PRKN: variants seen among roughly 807,000 people sequenced by gnomAD.
The protein encoded by PRKN is parkin RBR E3 ubiquitin protein ligase, also known as E3 ubiquitin-protein ligase parkin.
PRKN carries 56 observed loss-of-function variants against 59.5 expected under a neutral mutation model. That is an observed-to-expected ratio of 0.94 (90% CI 0.76 to 1.18). The LOEUF is 1.18. PRKN is among the 50% of genes most tolerant of loss of function. The pLI is 0.00. For missense variants in PRKN, 657 were observed against 596.4 expected, an observed-to-expected ratio of 1.10 and a Z score of -1.06; for synonymous variants, 250 against 222.1, an observed-to-expected ratio of 1.13 and a Z score of -1.12.
chr6:162,405,350 C>T (rs1419730971), intron 2 of PRKN, among the ~76,000 whole-genome samples: 1 of 152,172 alleles, frequency 6.6e-6, no homozygotes, highest in Non-Finnish European at 1.5e-5. Context: ...GCAGGGGTTT[C>T]TCTAAGTCGC....
At chr6:161,596,338 C>T (rs188673379) in intron 7 of PRKN, among the ~76,000 whole-genome samples, 2 of 152,234 alleles carry the variant, frequency 1.3e-5, no homozygotes, top group South Asian at 2.1e-4. Context: ...AAAAGTTATT[C>T]ACCACTAAAA....
intron 6 of PRKN, among the ~76,000 whole-genome samples, chr6:161,915,744 C>G (rs1222653819): frequency 1.3e-5 from 2 of 152,196 alleles, no homozygotes; most frequent in African/African-American, 4.8e-5. Flanking sequence ...ACTTAGCATT[C>G]TCATTTGGAA....
At chr6:161,909,384 G>A (rs989212561) in intron 6 of PRKN, among the ~76,000 whole-genome samples, 1 of 152,072 alleles carries the variant, frequency 6.6e-6, no homozygotes, top group Non-Finnish European at 1.5e-5. Context: ...CTCTCTAGAT[G>A]TATGTGTGCC....
chr6:161,707,436 A>G (rs865879590), intron 7 of PRKN, among the ~76,000 whole-genome samples: 1 of 152,220 alleles, frequency 6.6e-6, no homozygotes, highest in South Asian at 2.1e-4. Flanking sequence ...TCTTTCTCCA[A>G]TAGGAAAGAA....
chr6:161,371,213 G>A lies in PRKN; in HGVS notation c.1168-11008C>T, dbSNP rs968082216. 3.9e-5 allele frequency among the ~76,000 whole-genome samples: 6 copies of A among 151,934 alleles called. No individual in the cohort carries two copies. The East Asian group carries it at 1.2e-3, about 29-fold the overall frequency. On this transcript the variant is annotated intron_variant, in intron 10 of 11. Coordinates refer to ENST00000366898, the MANE Select transcript of PRKN (RefSeq NM_004562.3). This position sits in a 1 kb window ranked among gnomAD's most constrained non-coding sequence, Gnocchi z 5.5. ...TTGTTTCGCTCCTGTTGCCCAGGCTGGAGTGCAATGGTGAAATCTCCGCTC... is the reference window on the plus strand; with the variant it reads ...TTGTTTCGCTCCTGTTGCCCAGGCTAGAGTGCAATGGTGAAATCTCCGCTC...
At chr6:162,269,238 C>T (rs1408758826) in intron 2 of PRKN, among the ~76,000 whole-genome samples, 1 of 152,130 alleles carries the variant, frequency 6.6e-6, no homozygotes, top group Non-Finnish European at 1.5e-5. Flanking sequence ...TGTTACCAGA[C>T]AATACCGTCT....
chr6:162,661,091 G>A (rs370149484), intron 1 of PRKN, among the ~76,000 whole-genome samples: 14 of 152,078 alleles, frequency 9.2e-5, no homozygotes, highest in East Asian at 1.9e-4. Context: ...GAGAAACCCC[G>A]TCTCTACTAA....
chr6:161,393,057 C>T lies in PRKN; in HGVS notation c.1084-6180G>A, dbSNP rs916058615. 6.6e-6 allele frequency among the ~76,000 whole-genome samples: 1 copy of T among 152,102 alleles called. No individual in the cohort carries two copies. The highest frequency in any genetic ancestry group is 1.5e-5 in the Non-Finnish European group (1 of 68,032). On this transcript the variant is annotated intron_variant, in intron 9 of 11. Coordinates refer to ENST00000366898, the MANE Select transcript of PRKN (RefSeq NM_004562.3). The surrounding 1 kb of genome is among the most constrained non-coding windows in gnomAD (Gnocchi z 4.7). Reference sequence around the variant, plus strand: ...AGGTAGAGAGACCCGGAGTCTGAGGCCTCTTGGATCATTTATTATCTGTGT... The same window carrying T: ...AGGTAGAGAGACCCGGAGTCTGAGGTCTCTTGGATCATTTATTATCTGTGT...
At chr6:162,515,973 T>C (rs886273651) in intron 1 of PRKN, among the ~76,000 whole-genome samples, 7 of 152,170 alleles carry the variant, frequency 4.6e-5, no homozygotes, top group African/African-American at 1.7e-4. Context: ...AATGCAGCTG[T>C]TTGGTACCAC....
intron 9 of PRKN, among the ~76,000 whole-genome samples, chr6:161,416,783 C>T (rs570520781): frequency 6.6e-6 from 1 of 152,266 alleles, no homozygotes; most frequent in African/African-American, 2.4e-5. Context: ...TTGTATCAAC[C>T]GTGCTACGGA....
chr6:162,640,326 AAG>A (rs1777913170), intron 1 of PRKN, among the ~76,000 whole-genome samples: 2 of 152,146 alleles, frequency 1.3e-5, no homozygotes, highest in African/African-American at 4.8e-5. Context: ...CTCTGATAAA[AAG>A]AGAGCAAGAT....
intron 2 of PRKN, among the ~76,000 whole-genome samples, chr6:162,389,487 C>T (rs546734769): frequency 6.6e-6 from 1 of 152,246 alleles, no homozygotes; most frequent in Non-Finnish European, 1.5e-5. Flanking sequence ...TTGGCATGCT[C>T]ATTTAAGAAA....
chr6:162,548,857 C>T (rs1453588919), intron 1 of PRKN, among the ~76,000 whole-genome samples: 3 of 152,062 alleles, frequency 2.0e-5, no homozygotes, highest in Admixed American at 6.6e-5. Flanking sequence ...GTAAATAACT[C>T]TCGGGTGCTT....
intron 5 of PRKN, among the ~76,000 whole-genome samples, chr6:162,013,585 C>T (rs1303509735): frequency 6.6e-6 from 1 of 152,064 alleles, no homozygotes; most frequent in African/African-American, 2.4e-5. Flanking sequence ...TTATGACAAC[C>T]CCAAGTGCAT....
intron 1 of PRKN, among the ~76,000 whole-genome samples, chr6:162,485,257 G>A (rs1022456772): frequency 2.0e-5 from 3 of 152,128 alleles, no homozygotes; most frequent in Non-Finnish European, 4.4e-5. Flanking sequence ...ATTCTTTAGA[G>A]GAATGGTACG....
intron 1 of PRKN, among the ~76,000 whole-genome samples, chr6:162,655,176 T>C (rs985072898): frequency 4.6e-5 from 7 of 152,192 alleles, no homozygotes; most frequent in Admixed American, 1.3e-4. Context: ...ATCTACAATA[T>C]AGTTGTTATG....
intron 6 of PRKN, among the ~76,000 whole-genome samples, chr6:161,860,555 T>A (rs754961284): frequency 6.6e-6 from 1 of 152,228 alleles, no homozygotes; most frequent in Admixed American, 6.5e-5. Flanking sequence ...TTTCGGTCAG[T>A]AACACCATCA....
intron 6 of PRKN, among the ~76,000 whole-genome samples, chr6:161,968,187 ATTTTTTT>A (rs530441181): frequency 2.6e-3 from 334 of 127,978 alleles, no homozygotes; most frequent in African/African-American, 6.1e-3. Flanking sequence ...TGCCTGGCTA[ATTTTTTT>A]TTTTTTTTTT....
chr6:162,174,021 C>A (rs898118763), intron 4 of PRKN, among the ~76,000 whole-genome samples: 1 of 152,020 alleles, frequency 6.6e-6, no homozygotes, highest in Admixed American at 6.6e-5. Context: ...CTGCTCTATG[C>A]GTAATCTTTG....
Sources: allele counts gnomAD v4.1 joint callset (sites outside exome capture counted in the v4.1 genomes callset), GRCh38; gene constraint gnomAD v4.1.1; non-coding constraint Gnocchi (gnomAD v3.1); transcripts MANE v1.5; gene names NCBI Gene and HGNC (gene_info 2026-07-23, HGNC 2026-07-21).